PCDHA9: variants seen among roughly 807,000 people sequenced by gnomAD.
The protein encoded by PCDHA9 is protocadherin alpha 9, also known as protocadherin alpha-9.
A neutral mutation model predicts 62.0 loss-of-function variants in PCDHA9; 62 were observed. The observed-to-expected ratio is 1.00, with a 90% CI of 0.81 to 1.23. The LOEUF is 1.23. Among genes scored for constraint, PCDHA9 ranks in the 50% most tolerant of loss-of-function variants. The pLI is 0.00. For missense variants in PCDHA9, 1,205 were observed against 1,249.8 expected (o/e 0.96, Z 0.54); for synonymous variants, 557 against 567.6 (o/e 0.98, Z 0.27).
chr5:140,972,411 G>A (rs1258321444), intron 1 of PCDHA9, among the ~76,000 whole-genome samples: 1 of 151,680 alleles, frequency 6.6e-6, no homozygotes, highest in Non-Finnish European at 1.5e-5. Flanking sequence ...GGCAAACCCT[G>A]TTAAGATCTT....
intron 1 of PCDHA9, chr5:140,858,027 C>T: frequency 1.3e-6 from 2 of 1,596,754 alleles, no homozygotes; most frequent in Non-Finnish European, 1.7e-6. Flanking sequence ...TCGCTGACGG[C>T]CACGGCCACT....
At chr5:140,923,343 T>G (rs1251719779) in intron 1 of PCDHA9, among the ~76,000 whole-genome samples, 1 of 152,122 alleles carries the variant, frequency 6.6e-6, no homozygotes, top group African/African-American at 2.4e-5. Flanking sequence ...TTGGGCAACA[T>G]AGTGGGACCC....
Position 140,871,393 on chromosome 5 carries a change from C to G in PCDHA9, c.2394+20504C>G, listed in dbSNP as rs782354799. The G allele has an allele frequency of 6.2e-6, 10 of 1,614,130 alleles. No individual in the cohort carries two copies. The East Asian group carries it at 2.2e-4, about 36-fold the overall frequency. ...GAGGGTGTGCTCTGAGGAGGGCCCA[C>G]CTAAGACGGACCTCATGGCCTTCAG... On this transcript the variant is annotated intron_variant, in intron 1 of 3. Transcript: ENST00000532602.
chr5:140,920,374 G>T (rs1427300257), intron 1 of PCDHA9, among the ~76,000 whole-genome samples: 1 of 151,964 alleles, frequency 6.6e-6, no homozygotes, highest in East Asian at 1.9e-4. Flanking sequence ...TATTCTTGTG[G>T]ATTCATATTA....
At chr5:140,978,914 C>A (rs2096828574) in intron 1 of PCDHA9, 35 bp from the exon 2 acceptor site, 10 of 1,613,852 alleles carry the variant, frequency 6.2e-6, no homozygotes, top group Non-Finnish European at 8.5e-6. Context: ...ATTGTCTTGT[C>A]ATTTTAACAG....
intron 1 of PCDHA9, chr5:140,867,711 G>T (rs1202135456): frequency 2.0e-5 from 3 of 151,816 alleles, no homozygotes; most frequent in Non-Finnish European, 2.9e-5. Flanking sequence ...AATCCTAAGG[G>T]TATATGAAAA....
chr5:140,850,181 G>C lies in PCDHA9; in HGVS notation c.1686G>C (p.Ala562=). The C allele has an allele frequency of 6.3e-7, 1 of 1,593,852 alleles. No individual in the cohort carries two copies. The highest frequency in any genetic ancestry group is 1.1e-5 in the South Asian group (1 of 90,454). ...QVFVLDENDN[A]PALLTPRMRG... is the part of the protein sequence containing the mutation. ...TCGTGCTGGACGAGAACGACAATGCGCCGGCGCTGCTGACACCTCGGATGA... is the reference window on the plus strand; with the variant it reads ...TCGTGCTGGACGAGAACGACAATGCCCCGGCGCTGCTGACACCTCGGATGA... The change falls in exon 1 of 4, where the codon GCG becomes GCC. Residue 562 remains alanine (A), a synonymous_variant. Transcript: ENST00000532602.
At chr5:140,975,352 T>G (rs2096663445) in intron 1 of PCDHA9, among the ~76,000 whole-genome samples, 1 of 152,256 alleles carries the variant, frequency 6.6e-6, no homozygotes, top group African/African-American at 2.4e-5. Flanking sequence ...TAAAGCCAAC[T>G]GTGCTACATA....
intron 3 of PCDHA9, among the ~76,000 whole-genome samples, chr5:140,999,615 A>G (rs535054544): frequency 5.3e-5 from 8 of 152,322 alleles, no homozygotes; most frequent in Admixed American, 3.3e-4. Flanking sequence ...GACCTTATCA[A>G]CCAGGAAACA....
At chr5:140,870,369 G>A (rs375892305) in intron 1 of PCDHA9, 117 of 1,614,088 alleles carry the variant, frequency 7.2e-5, no homozygotes, top group Admixed American at 2.3e-4. Context: ...CCTATGAACT[G>A]GTGGTGACTG....
At chr5:140,982,414 G>A in intron 2 of PCDHA9, 61 bp from the exon 3 acceptor site, 1 of 1,609,882 alleles carries the variant, frequency 6.2e-7, no homozygotes, top group Non-Finnish European at 8.5e-7. Flanking sequence ...TCTGAGGGTG[G>A]AAGAAGAGAT....
chr5:140,931,914 A>G (rs1374173998), intron 1 of PCDHA9, among the ~76,000 whole-genome samples: 2 of 151,960 alleles, frequency 1.3e-5, no homozygotes, highest in Non-Finnish European at 2.9e-5. Context: ...AAAGCATGAC[A>G]TTTAACAATG....
chr5:140,906,585 C>T (rs782305409), intron 1 of PCDHA9, among the ~76,000 whole-genome samples: 1 of 152,208 alleles, frequency 6.6e-6, no homozygotes, highest in Non-Finnish European at 1.5e-5. Context: ...TTGATGACTA[C>T]CTTCCTCTAC....
chr5:140,926,358 A>C (rs1157995876), intron 1 of PCDHA9: 1 of 152,230 alleles, frequency 6.6e-6, no homozygotes, highest in Non-Finnish European at 1.5e-5. Context: ...CGGCTCCCAA[A>C]GGGCGGCAGG....
intron 1 of PCDHA9, chr5:140,876,448 G>C (rs2056350590): frequency 1.2e-6 from 2 of 1,614,008 alleles, no homozygotes; most frequent in East Asian, 4.5e-5. Flanking sequence ...CATTGATAAA[G>C]GGATTCCTTC....
At chr5:140,899,460 T>G (rs2153464035) in intron 1 of PCDHA9, among the ~76,000 whole-genome samples, 1 of 152,380 alleles carries the variant, frequency 6.6e-6, no homozygotes, top group East Asian at 1.9e-4. Context: ...ATGTGGTTTT[T>G]GTCTTTGGTT....
At position 140,953,768 on chromosome 5, in the gene PCDHA9, A is replaced by G. The variant is rs146090592; in HGVS notation, c.2395-25181A>G. Among the ~76,000 whole-genome samples, 15 of 152,248 alleles carry G rather than the reference A, an allele frequency of 9.9e-5. No homozygotes were observed. In the East Asian group the frequency reaches 2.7e-3, roughly 27 times the overall value. The stretch of plus-strand genomic sequence containing the variant: ...TACATTTATCCAAGAATTAAATTTA[A>G]TATTTATTTATTTTTTTCTTCAACT... On this transcript the variant is annotated intron_variant, in intron 1 of 3. Coordinates refer to ENST00000532602, the MANE Select transcript of PCDHA9 (RefSeq NM_031857.2).
intron 1 of PCDHA9, chr5:140,862,842 G>C: frequency 1.7e-6 from 1 of 572,982 alleles, no homozygotes; most frequent in Non-Finnish European, 3.3e-6. Flanking sequence ...CGGGCATGCC[G>C]CCTCTGAGCA....
intron 3 of PCDHA9, among the ~76,000 whole-genome samples, chr5:140,999,070 T>A (rs930538088): frequency 6.1e-4 from 93 of 152,328 alleles, no homozygotes; most frequent in African/African-American, 2.1e-3. Context: ...GTAGTCTCCT[T>A]CACTTCCTCC....
Sources: allele counts gnomAD v4.1 joint callset (sites outside exome capture counted in the v4.1 genomes callset), GRCh38; gene constraint gnomAD v4.1.1; transcripts MANE v1.5; gene names NCBI Gene and HGNC (gene_info 2026-07-23, HGNC 2026-07-21).